Variants in KDR observed in about 807,000 individuals in gnomAD.
KDR encodes the protein kinase insert domain receptor.
Under a neutral mutation model 160.9 loss-of-function variants are expected in KDR, and 43 were observed. The ratio of observed to expected loss-of-function variants is 0.27; its 90% CI spans 0.21 to 0.34. The LOEUF (loss-of-function observed/expected upper bound fraction) is 0.34. Ranked by LOEUF, KDR falls within the 10% of genes least tolerant of loss-of-function variation. The pLI is 1.00. For missense variants in KDR, 1,469 were observed against 1,666.4 expected (o/e 0.88, Z 2.06); for synonymous variants, 617 against 600.1 (o/e 1.03, Z -0.41).
rs145531980 is a variant in KDR at position 55,092,168 on chromosome 4, C to G, written c.3069+449G>C. On this transcript the variant is annotated intron_variant, in intron 22 of 29. Transcript: ENST00000263923. Reference sequence around the variant, plus strand: ...CTTGTTTAAAGTAGATGTACACACACAGAGAAGCATAAACATACACAAGTG... The same window carrying G: ...CTTGTTTAAAGTAGATGTACACACAGAGAGAAGCATAAACATACACAAGTG... 2.1e-3 allele frequency: 446 copies of G among 212,262 alleles called. 3 individuals carry two copies. The highest frequency in any genetic ancestry group is 9.2e-3 in the African/African-American group (401 of 43,592). 13.1% of individuals were successfully genotyped at this position (212,262 alleles called of 1,614,324 possible).
At chr4:55,098,569 T>C (rs1251467173) in intron 16 of KDR, 128 bp downstream of exon 16, 2 of 786,112 alleles carry the variant, frequency 2.5e-6, no homozygotes, top group Non-Finnish European at 2.2e-6. Flanking sequence ...AGGAACGTTA[T>C]TGTATTGAAA....
At chr4:55,117,559 C>T (rs902667852) in intron 3 of KDR, among the ~76,000 whole-genome samples, 1 of 152,150 alleles carries the variant, frequency 6.6e-6, no homozygotes, top group African/African-American at 2.4e-5. Flanking sequence ...ATGTGGTCTC[C>T]ACTTTTTCAT....
chr4:55,087,280 G>A (rs939756320), intron 27 of KDR, among the ~76,000 whole-genome samples: 7 of 152,160 alleles, frequency 4.6e-5, no homozygotes, highest in Admixed American at 1.3e-4. Context: ...AAGCATACAC[G>A]GGGATAATTT....
chr4:55,120,905 A>C (rs537446387), intron 2 of KDR, among the ~76,000 whole-genome samples, 192 bp downstream of exon 2: 1 of 152,070 alleles, frequency 6.6e-6, no homozygotes, highest in South Asian at 2.1e-4. Context: ...TAAAAACACC[A>C]GCAAAATTGT....
chr4:55,111,537 T>C (rs1378715188), intron 7 of KDR, among the ~76,000 whole-genome samples: 1 of 152,150 alleles, frequency 6.6e-6, no homozygotes, highest in Non-Finnish European at 1.5e-5. Context: ...CAACTACCCT[T>C]GTCTAAGCCA....
intron 10 of KDR, 21 bp from the exon 11 acceptor site, chr4:55,106,831 C>A (rs368501168): frequency 6.3e-7 from 1 of 1,594,948 alleles, no homozygotes; most frequent in South Asian, 1.1e-5. Context: ...GAGATAACAG[C>A]GCATATTATG....
chr4:55,103,124 G>A (rs998293611), intron 13 of KDR, among the ~76,000 whole-genome samples: 4 of 152,144 alleles, frequency 2.6e-5, no homozygotes, highest in Non-Finnish European at 5.9e-5. Context: ...GACCAGTTCA[G>A]TGCTATTTCC....
In KDR at chr4:55,082,595, T is replaced by A. The variant is rs748096654; in HGVS notation, c.3703A>T (p.Ser1235Cys). ...GGGATATCTTCAAATGTTTTTACAC[T>A]CACAGGCCGGCTCTTTCGCTTACTG... Reference protein sequence around the residue: ...QNSKRKSRPVSVKTFEDIPLE... With the variant: ...QNSKRKSRPVCVKTFEDIPLE... The change falls in exon 28 of 30, where the codon AGT (serine) becomes TGT (cysteine). Residue 1235 changes from serine (S) to cysteine (C), a missense_variant. Coordinates refer to ENST00000263923, the MANE Select transcript of KDR (RefSeq NM_002253.4). 12 of 1,613,882 alleles carry A rather than the reference T, an allele frequency of 7.4e-6. No individual in the cohort carries two copies. Among genetic ancestry groups the A allele is most frequent in the Non-Finnish European group, 1.0e-5 (12 of 1,179,922 alleles).
chr4:55,088,644 A>G lies in KDR; in HGVS notation c.3510+224T>C, dbSNP rs139257414. On this transcript the variant is annotated intron_variant, in intron 26 of 29. Transcript: ENST00000263923. ...AAATATAACAAAAAGATAAGTAGGTAGAAATCAGAGTGGTCTGCTCCCGGG... is the reference window on the plus strand; with the variant it reads ...AAATATAACAAAAAGATAAGTAGGTGGAAATCAGAGTGGTCTGCTCCCGGG... Among the ~76,000 whole-genome samples the G allele has an allele frequency of 1.2e-4, 19 of 152,364 alleles. No individual in the cohort carries two copies. The East Asian group carries it at 3.7e-3, about 29-fold the overall frequency.
chr4:55,087,545 C>T, intron 27 of KDR, 62 bp downstream of exon 27: 1 of 1,487,868 alleles, frequency 6.7e-7, no homozygotes, highest in African/African-American at 1.4e-5. Flanking sequence ...CACTTCCAAT[C>T]CCCCTCCCGA....
At chr4:55,115,097 A>G in intron 4 of KDR, 55 bp from the exon 5 acceptor site, 1 of 1,431,282 alleles carries the variant, frequency 7.0e-7, no homozygotes, top group Non-Finnish European at 9.8e-7. Flanking sequence ...AATGAGAGCC[A>G]TGTACAATGA....
intron 13 of KDR, among the ~76,000 whole-genome samples, chr4:55,102,992 T>C (rs1192936131): frequency 6.6e-6 from 1 of 152,204 alleles, no homozygotes; most frequent in Non-Finnish European, 1.5e-5. Flanking sequence ...ATGAGCAGAA[T>C]AGGACTGTTA....
chr4:55,112,918 T>C (rs1325974803), intron 7 of KDR, among the ~76,000 whole-genome samples: 1 of 152,222 alleles, frequency 6.6e-6, no homozygotes, highest in Non-Finnish European at 1.5e-5. Flanking sequence ...AGGTCAACTG[T>C]ATATTGCTAA....
At chr4:55,095,754 TAGA>T in intron 19 of KDR, 89 bp from the exon 20 acceptor site, 1 of 883,168 alleles carries the variant, frequency 1.1e-6, no homozygotes, top group South Asian at 1.4e-5. Flanking sequence ...AAAAACACCT[TAGA>T]AGAAGGCTAC....
At chr4:55,095,085 A>G (rs1321414227) in intron 20 of KDR, 130 bp from the exon 21 acceptor site, 4 of 903,568 alleles carry the variant, frequency 4.4e-6, no homozygotes, top group Admixed American at 2.3e-5. Context: ...GAGGACATCA[A>G]TTTCAGGATT....
chr4:55,124,073 C>T (rs1184638420), intron 1 of KDR, among the ~76,000 whole-genome samples: 1 of 152,188 alleles, frequency 6.6e-6, no homozygotes, highest in Non-Finnish European at 1.5e-5. Flanking sequence ...CCATGGTGGA[C>T]TGGACCCGTT....
At chr4:55,086,786 G>C (rs1382122047) in intron 27 of KDR, among the ~76,000 whole-genome samples, 2 of 152,160 alleles carry the variant, frequency 1.3e-5, no homozygotes, top group African/African-American at 4.8e-5. Context: ...GGACATGAGA[G>C]AGCTCCCTGC....
In KDR at chr4:55,078,499, C is replaced by T. The variant is rs768540918; in HGVS notation, c.*1442G>A. On this transcript the variant is annotated 3_prime_UTR_variant, in exon 30 of 30. Coordinates refer to ENST00000263923, the MANE Select transcript of KDR (RefSeq NM_002253.4). ...GGATTCCTTCAAGTTTTTCAATGTT[C>T]TTTAATAAAATGACATCAATTGCTG... 1 of 232,216 alleles carries T rather than the reference C, an allele frequency of 4.3e-6. No homozygotes were observed. The highest frequency in any genetic ancestry group is 6.1e-5 in the East Asian group (1 of 16,406). 14.4% of individuals were successfully genotyped at this position (232,216 alleles called of 1,614,324 possible).
chr4:55,098,929 C>T (rs1464005849), intron 15 of KDR, 126 bp from the exon 16 acceptor site: 10 of 658,168 alleles, frequency 1.5e-5, no homozygotes, highest in Admixed American at 2.3e-5. Context: ...TAGAGGACAA[C>T]AGTTACACAC....
Sources: gnomAD v4.1 joint callset for allele counts (sites outside exome capture counted in the v4.1 genomes callset) on GRCh38, gnomAD v4.1.1 for gene constraint, MANE v1.5 for transcripts, NCBI Gene and HGNC (gene_info 2026-07-23, HGNC 2026-07-21) for gene names.